The following ZNF121 variants were observed in gnomAD, a reference collection of about 807,000 sequenced individuals.
The protein encoded by ZNF121 is zinc finger protein 121 (clone ZHC32).
ZNF121 carries 1 observed loss-of-function variant against 2.4 expected under a neutral mutation model. The ratio of observed to expected loss-of-function variants is 0.41; its 90% confidence interval spans 0.15 to 1.94. The LOEUF (loss-of-function observed/expected upper bound fraction) is 1.94. ZNF121 is among the 30% of genes most tolerant of loss of function. The pLI is 0.30. For synonymous variants in ZNF121, 173 were observed against 158.6 expected (o/e 1.09, Z -0.68); for missense variants, 369 against 466.3 (o/e 0.79, Z 1.92).
In ZNF121 at chr19:9,566,653, T is replaced by C; in HGVS notation, c.460A>G (p.Arg154Gly). 6.2e-7 allele frequency: 1 copy of C among 1,614,216 alleles called. No individual in the cohort carries two copies. Among genetic ancestry groups the C allele is most frequent in the Non-Finnish European group, 8.5e-7 (1 of 1,180,020 alleles). Residue 154 changes from arginine to glycine, a missense_variant, in exon 4 of 4, where the codon AGA becomes GGA. Arg to Gly is a moderately radical substitution (Grantham distance 125). Around this residue, in one of 4 missense-constraint regions of ZNF121, gnomAD observed 68 missense variants for 105.5 expected, o/e 0.64. Coordinates refer to ENST00000320451, the MANE Select transcript of ZNF121 (RefSeq NM_001008727.5). ...TGACTATTAAGATATGAAGAATATC[T>C]AAAGAATTTTCCACATTCCTTACAT... ...YECKECGKFF[R>G]YSSYLNSHMR...
intron 2 of ZNF121, 82 bp from the exon 3 acceptor site, chr19:9,568,257 C>T: frequency 1.6e-6 from 1 of 606,572 alleles, no homozygotes; most frequent in Non-Finnish European, 2.7e-6. Flanking sequence ...TTATAAAGCT[C>T]ATTTTTATTT....
intron 1 of ZNF121, among the ~76,000 whole-genome samples, chr19:9,577,666 A>G (rs1057409719): frequency 3.3e-5 from 5 of 152,082 alleles, no homozygotes; most frequent in Non-Finnish European, 7.4e-5. Context: ...TACCAGTGAA[A>G]TTCGTCACAA....
At chr19:9,582,436 C>T (rs1186370860) in intron 1 of ZNF121, among the ~76,000 whole-genome samples, 3 of 152,164 alleles carry the variant, frequency 2.0e-5, no homozygotes, top group Non-Finnish European at 4.4e-5. Context: ...CCACTGAGCA[C>T]CTTGTGATCC....
At chr19:9,575,132 G>A (rs776907437) in intron 1 of ZNF121, among the ~76,000 whole-genome samples, 5 of 152,230 alleles carry the variant, frequency 3.3e-5, no homozygotes, top group East Asian at 1.9e-4. Context: ...TAAGAATACC[G>A]TATTCAGGTC....
Position 9,582,735 on chromosome 19 carries a change from C to T in ZNF121, c.-160+1726G>A, listed in dbSNP as rs1221682925. On this transcript the variant is annotated intron_variant, in intron 1 of 3. Coordinates refer to ENST00000320451, the MANE Select transcript of ZNF121 (RefSeq NM_001008727.5). Reference sequence around the variant, plus strand: ...CTGCACCCCGACCCGGGTAGCAGAGCGAGACTCTGTCTCAAAAAAAAAAAA... The same window carrying T: ...CTGCACCCCGACCCGGGTAGCAGAGTGAGACTCTGTCTCAAAAAAAAAAAA... Among the ~76,000 whole-genome samples, 11 of 138,770 alleles carry T rather than the reference C, an allele frequency of 7.9e-5. No individual in the cohort carries two copies. In the East Asian group the frequency reaches 2.1e-3, roughly 27 times the overall value. 91.0% of individuals were successfully genotyped at this position (138,770 alleles called of 152,430 possible).
intron 1 of ZNF121, among the ~76,000 whole-genome samples, chr19:9,573,429 TGAA>T (rs1396229800): frequency 1.3e-5 from 2 of 152,056 alleles, no homozygotes; most frequent in Non-Finnish European, 2.9e-5. Flanking sequence ...TCACTGAGCT[TGAA>T]GAAAAGCTAT....
At position 9,566,687 on chromosome 19, in the gene ZNF121, T is replaced by C; in HGVS notation, c.426A>G (p.Lys142=). The change falls in exon 4 of 4, where the codon AAA becomes AAG. Residue 142 remains lysine (K), a synonymous_variant. Transcript: ENST00000320451. ...AVSVKMHTVE[K]PYECKECGKF... ...TTCCACATTCCTTACATTCGTAGGG[T>C]TTTTCTACAGTATGCATTTTAACAG... The C allele has an allele frequency of 6.2e-7, 1 of 1,614,104 alleles. No individual in the cohort carries two copies. The highest frequency in any genetic ancestry group is 8.5e-7 in the Non-Finnish European group (1 of 1,180,026).
intron 1 of ZNF121, among the ~76,000 whole-genome samples, chr19:9,582,061 T>G (rs1444390419): frequency 1.3e-5 from 2 of 152,120 alleles, no homozygotes; most frequent in African/African-American, 4.8e-5. Flanking sequence ...ATCCCAGCAT[T>G]TTGGGAGGCC....
Position 9,566,852 on chromosome 19 carries a change from G to T in ZNF121, c.261C>A (p.Ser87=). Reference sequence around the variant, plus strand: ...CTTCCTCACAGTCACTGTATTCAAAGGATTTGTCTCCTATCCACGTTCTCT... The same window carrying T: ...CTTCCTCACAGTCACTGTATTCAAATGATTTGTCTCCTATCCACGTTCTCT... The part of the protein sequence containing the change: ...VHQRTWIGDK[S]FEYSDCEEAF... Residue 87 remains serine, a synonymous_variant, in exon 4 of 4, where the codon TCC becomes TCA. Transcript: ENST00000320451. The T allele has an allele frequency of 1.2e-6, 2 of 1,614,186 alleles. No individual in the cohort carries two copies. Among genetic ancestry groups the T allele is most frequent in the Non-Finnish European group, 1.7e-6 (2 of 1,180,038 alleles).
At chr19:9,576,910 G>C (rs2074214077) in intron 1 of ZNF121, among the ~76,000 whole-genome samples, 1 of 152,118 alleles carries the variant, frequency 6.6e-6, no homozygotes, top group Admixed American at 6.5e-5. Context: ...ATTGAACCAT[G>C]AACAAACAGA....
intron 1 of ZNF121, among the ~76,000 whole-genome samples, chr19:9,577,242 G>C (rs1021250626): frequency 6.6e-6 from 1 of 151,960 alleles, no homozygotes; most frequent in African/African-American, 2.4e-5. Context: ...TTAGGAGTTT[G>C]AGACCAGCCT....
At chr19:9,567,549 GGGAT>G in intron 3 of ZNF121, 1 of 231,306 alleles carries the variant, frequency 4.3e-6, no homozygotes, top group South Asian at 5.9e-5. Flanking sequence ...GGGTGGGATA[GGGAT>G]GGTTTCAGCA....
Position 9,566,597 on chromosome 19 carries a change from A to G in ZNF121, c.516T>C (p.Tyr172=). The part of the protein sequence containing the change: ...HMRTHTGEKP[Y]ECKECGKCFT... ...AGCATTTCCCACATTCCTTACATTC[A>G]TAGGGTTTCTCCCCAGTATGGGTTC... Residue 172 remains tyrosine, a synonymous_variant, in exon 4 of 4, where the codon TAT becomes TAC. Coordinates refer to ENST00000320451, the MANE Select transcript of ZNF121 (RefSeq NM_001008727.5). 6.2e-7 allele frequency: 1 copy of G among 1,614,220 alleles called. No homozygotes were observed. The highest frequency in any genetic ancestry group is 2.2e-5 in the East Asian group (1 of 44,890).
Position 9,563,391 on chromosome 19 carries a change from T to C in ZNF121, c.*2549A>G, listed in dbSNP as rs1338236514. ...CGTGAGGTTTAACAAGTCATTTCCA[T>C]AACATAAAAGTACAAAGTGAAGTAG... On this transcript the variant is annotated 3_prime_UTR_variant, in exon 4 of 4. Transcript: ENST00000320451. 5 of 152,218 alleles carry C rather than the reference T, an allele frequency of 3.3e-5. No homozygotes were observed. The highest frequency in any genetic ancestry group is 7.3e-5 in the Non-Finnish European group (5 of 68,044). 9.4% of individuals were successfully genotyped at this position (152,218 alleles called of 1,614,324 possible).
Position 9,562,161 on chromosome 19 carries a change from A to AT in ZNF121, c.*3778dup, listed in dbSNP as rs34814047. 0.13 allele frequency: 13,546 copies of AT among 108,154 alleles called. 1,125 individuals carry two copies. Among genetic ancestry groups the AT allele is most frequent in the Admixed American group, 0.18 (1,646 of 9,268 alleles). 6.7% of individuals were successfully genotyped at this position (108,154 alleles called of 1,614,324 possible). A position where few individuals can be genotyped will look rare whatever the true frequency, so the allele number is the denominator to read the frequency against. On this transcript the variant is annotated 3_prime_UTR_variant, in exon 4 of 4. Coordinates refer to ENST00000320451, the MANE Select transcript of ZNF121 (RefSeq NM_001008727.5). ...ATTATACTTACTGTGGTGCTGTGTG[A>AT]TTTTTTTTTTTTTTTTTTTTTGAGA... is the stretch of plus-strand genomic sequence containing the variant.
chr19:9,568,220 C>G, intron 2 of ZNF121, 45 bp from the exon 3 acceptor site: 1 of 920,452 alleles, frequency 1.1e-6, no homozygotes, highest in Non-Finnish European at 1.6e-6. Flanking sequence ...GGTCTGAGAA[C>G]AAAACAGTAG....
At chr19:9,573,710 C>T (rs1262374879) in intron 1 of ZNF121, among the ~76,000 whole-genome samples, 1 of 152,134 alleles carries the variant, frequency 6.6e-6, no homozygotes, top group Non-Finnish European at 1.5e-5. Flanking sequence ...AATCTTCAGA[C>T]TCTCAAAGGT....
chr19:9,573,872 G>A (rs557647578), intron 1 of ZNF121, among the ~76,000 whole-genome samples: 12 of 152,124 alleles, frequency 7.9e-5, no homozygotes, highest in African/African-American at 2.9e-4. Flanking sequence ...TTTGTGAGAC[G>A]GTCTCACTCC....
rs772069093 is a variant in ZNF121 at position 9,568,142 on chromosome 19, TG to T, written c.-46del. On this transcript the variant is annotated 5_prime_UTR_variant, in exon 3 of 4. Coordinates refer to ENST00000320451, the MANE Select transcript of ZNF121 (RefSeq NM_001008727.5). ...TTGTTAAGCCAAAAAAAAATGTTGT[TG>T]AGGTGCTGACACTTTGGTTTTAACT... 3.9e-6 allele frequency: 6 copies of T among 1,535,218 alleles called. No homozygotes were observed. The Admixed American group carries it at 1.1e-4, about 27-fold the overall frequency.
Sources: allele counts gnomAD v4.1 joint callset (sites outside exome capture counted in the v4.1 genomes callset), GRCh38; gene constraint gnomAD v4.1.1; regional missense constraint gnomAD v4.1.1; transcripts MANE v1.5; gene names NCBI Gene and HGNC (gene_info 2026-07-23, HGNC 2026-07-21).